DEUP1: variants seen among roughly 807,000 people sequenced by gnomAD.
DEUP1 encodes the protein coiled-coil domain containing 67.
In DEUP1, 82 loss-of-function variants were observed where a neutral mutation model predicts 87.4. The ratio of observed to expected loss-of-function variants is 0.94; its 90% CI spans 0.78 to 1.13. The LOEUF (loss-of-function observed/expected upper bound fraction) is 1.13, where lower values mean the gene tolerates loss of function less well. Ranked by LOEUF, DEUP1 falls within the 50% of genes most tolerant of loss-of-function variation. The probability of loss-of-function intolerance (pLI) is 0.00; values close to 1 mark genes in which losing one functional copy is unlikely to be tolerated. For synonymous variants in DEUP1, 214 were observed against 222.7 expected (o/e 0.96, Z 0.35); for missense variants, 663 against 681.5 (o/e 0.97, Z 0.30).
At chr11:93,418,941 C>T (rs1227103422) in intron 13 of DEUP1, among the ~76,000 whole-genome samples, 1 of 149,674 alleles carries the variant, frequency 6.7e-6, no homozygotes, top group African/African-American at 2.5e-5. Flanking sequence ...AACAAAAAAC[C>T]AAACACTGCA....
chr11:93,371,072 G>A lies in DEUP1; in HGVS notation c.581G>A (p.Gly194Asp), dbSNP rs1565313966. The A allele has an allele frequency of 6.2e-7, 1 of 1,611,770 alleles. No individual in the cohort carries two copies. The highest frequency in any genetic ancestry group is 2.2e-5 in the East Asian group (1 of 44,780). The change falls in exon 7 of 14, where the codon GGT becomes GAT. Residue 194 changes from glycine (G) to aspartate (D), a missense_variant. Transcript: ENST00000298050. ...CAAAGTTACCAAACTCAACTAAATG[G>A]TAAAAAACAGTGCTTAGAAGACAGC... The part of the protein sequence containing the change: ...QAQSYQTQLN[G>D]KKQCLEDSSS...
rs762430727 is a variant in DEUP1, at chr11:93,371,200, A to G, written c.709A>G (p.Ile237Val). The change falls in exon 7 of 14, where the codon ATA (isoleucine) becomes GTA (valine). Residue 237 changes from isoleucine to valine, a missense_variant. Ile to Val is a conservative substitution (Grantham distance 29, BLOSUM62 3). Coordinates refer to ENST00000298050, the MANE Select transcript of DEUP1 (RefSeq NM_181645.4). ...IEKLKSAVNEIALSRNKLQDE... is the reference protein window; with the variant it reads ...IEKLKSAVNEVALSRNKLQDE... ...AAAACTGAAATCAGCTGTAAATGAG[A>G]TAGCACTAAGCAGGAATAAATTACA... 19 of 1,613,248 alleles carry G rather than the reference A, an allele frequency of 1.2e-5. No homozygotes were observed. Among genetic ancestry groups the G allele is most frequent in the South Asian group, 1.1e-4 (10 of 90,928 alleles).
rs1287589525 is a variant in DEUP1 at position 93,427,020 on chromosome 11, A to G, written c.1639-10523A>G. 1.0e-4 allele frequency among the ~76,000 whole-genome samples: 4 copies of G among 39,458 alleles called. 2 individuals are homozygous for G. The highest frequency in any genetic ancestry group is 6.5e-4 in the Admixed American group (2 of 3,078). 25.9% of individuals were successfully genotyped at this position (39,458 alleles called of 152,430 possible). On this transcript the variant is annotated intron_variant, in intron 13 of 13. Transcript: ENST00000298050. ...AAAAAAAAAAAAAAAAAGAAAAAAAAAAAAAAAAAAAGAAAATGGCCATAC... is the reference window on the plus strand; with the variant it reads ...AAAAAAAAAAAAAAAAAGAAAAAAAGAAAAAAAAAAAGAAAATGGCCATAC...
intron 4 of DEUP1, among the ~76,000 whole-genome samples, chr11:93,359,136 A>G (rs753223166): frequency 6.6e-6 from 1 of 152,230 alleles, no homozygotes; most frequent in Non-Finnish European, 1.5e-5. Flanking sequence ...AGCTAGTAAT[A>G]TGCTGTTTTT....
chr11:93,389,648 C>G (rs1946707665), intron 9 of DEUP1, among the ~76,000 whole-genome samples: 1 of 152,100 alleles, frequency 6.6e-6, no homozygotes, highest in Admixed American at 6.6e-5. Flanking sequence ...TAATATTACC[C>G]TCCTTTTACA....
intron 8 of DEUP1, among the ~76,000 whole-genome samples, chr11:93,387,050 G>A (rs79133624): frequency 0.071 from 10,742 of 151,974 alleles, 1,250 homozygotes; most frequent in African/African-American, 0.24. Flanking sequence ...TTTTTGTTCT[G>A]CCTGTTTACC....
Position 93,355,462 on chromosome 11 carries a change from C to T in DEUP1, c.121C>T (p.Arg41Trp), listed in dbSNP as rs200488619. ...GAAAATGGATTGGGAAAGAAAGATG[C>T]GGGCTTTGGAGACACGATTAGATCT... Reference protein sequence around the residue: ...NKKMDWERKMRALETRLDLRD... With the variant: ...NKKMDWERKMWALETRLDLRD... The change falls in exon 3 of 14, where the codon CGG becomes TGG. Residue 41 changes from arginine to tryptophan, a missense_variant. Arg to Trp is a moderately radical substitution (Grantham distance 101). Transcript: ENST00000298050. 1.5e-4 allele frequency: 247 copies of T among 1,613,494 alleles called. No individual in the cohort carries two copies. Among genetic ancestry groups the T allele is most frequent in the Non-Finnish European group, 1.9e-4 (227 of 1,179,718 alleles).
chr11:93,361,410 C>T (rs548956782), intron 4 of DEUP1, among the ~76,000 whole-genome samples: 1 of 152,092 alleles, frequency 6.6e-6, no homozygotes, highest in South Asian at 2.1e-4. Context: ...CTTGTATTTT[C>T]TAAATTTTTT....
chr11:93,372,130 G>A (rs980043799), intron 7 of DEUP1, among the ~76,000 whole-genome samples: 1 of 151,578 alleles, frequency 6.6e-6, no homozygotes, highest in Non-Finnish European at 1.5e-5. Context: ...GGGTTTCACC[G>A]TTTTAGCCGG....
chr11:93,432,012 C>T (rs776913905), intron 13 of DEUP1, among the ~76,000 whole-genome samples: 1 of 152,058 alleles, frequency 6.6e-6, no homozygotes, highest in Non-Finnish European at 1.5e-5. Flanking sequence ...ATCTGATATT[C>T]GAGGGAGAGA....
intron 11 of DEUP1, among the ~76,000 whole-genome samples, chr11:93,400,788 A>G (rs932763668): frequency 1.3e-5 from 2 of 152,290 alleles, no homozygotes; most frequent in Admixed American, 6.5e-5. Flanking sequence ...ACAGAATACC[A>G]AAAACAAATA....
chr11:93,338,404 CTT>C lies in DEUP1; in HGVS notation c.29+6132_29+6133del, dbSNP rs532505177. Among the ~76,000 whole-genome samples, 899 of 139,530 alleles carry C rather than the reference CTT, an allele frequency of 6.4e-3. 9 individuals carry two copies. The highest frequency in any genetic ancestry group is 0.022 in the African/African-American group (822 of 37,810). The allele number at this position is 139,530 out of a possible 152,430, so 91.5% of individuals were successfully genotyped here. A position where few individuals can be genotyped will look rare whatever the true frequency, so the allele number is the denominator to read the frequency against. On this transcript the variant is annotated intron_variant, in intron 2 of 13. Transcript: ENST00000298050. ...TGACATAGGGTAATTATGCAGTCAACTTTTTTTTTTTTTTTTTCCTGAGGCAG... is the reference window on the plus strand; with the variant it reads ...TGACATAGGGTAATTATGCAGTCAACTTTTTTTTTTTTTTTCCTGAGGCAG...
At chr11:93,371,433 G>C (rs533933759) in intron 7 of DEUP1, among the ~76,000 whole-genome samples, 153 bp downstream of exon 7, 1 of 151,936 alleles carries the variant, frequency 6.6e-6, no homozygotes, top group African/African-American at 2.4e-5. Context: ...CACTTGATGC[G>C]TAGATTCAAT....
chr11:93,416,712 C>T (rs928933090), intron 13 of DEUP1, among the ~76,000 whole-genome samples: 5 of 151,732 alleles, frequency 3.3e-5, no homozygotes, highest in African/African-American at 9.7e-5. Context: ...CAAAGCCTGG[C>T]AGAGACACAA....
intron 8 of DEUP1, among the ~76,000 whole-genome samples, chr11:93,386,229 T>C (rs1353317794): frequency 6.6e-6 from 1 of 152,188 alleles, no homozygotes; most frequent in Non-Finnish European, 1.5e-5. Context: ...CCATCTTGTC[T>C]GTTCCATTGA....
intron 12 of DEUP1, among the ~76,000 whole-genome samples, chr11:93,414,135 A>G (rs1479111690): frequency 2.0e-5 from 3 of 152,210 alleles, no homozygotes; most frequent in African/African-American, 7.2e-5. Flanking sequence ...AGATCACACA[A>G]CTAGTAACTG....
At chr11:93,393,903 A>G (rs1379615025) in intron 9 of DEUP1, among the ~76,000 whole-genome samples, 1 of 152,208 alleles carries the variant, frequency 6.6e-6, no homozygotes, top group Non-Finnish European at 1.5e-5. Context: ...AAGCTTAGCC[A>G]AGATTCAGAA....
intron 7 of DEUP1, among the ~76,000 whole-genome samples, chr11:93,371,810 AT>A (rs979571625): frequency 6.6e-6 from 1 of 151,656 alleles, no homozygotes; most frequent in Non-Finnish European, 1.5e-5. Context: ...ACAAGCATTA[AT>A]TTTTTTTCTT....
chr11:93,335,513 G>A (rs116985986), intron 2 of DEUP1, among the ~76,000 whole-genome samples: 5,952 of 152,132 alleles, frequency 0.039, 156 homozygotes, highest in Middle Eastern at 0.065. Flanking sequence ...CACTATAATT[G>A]TAGTTTGTCT....
Sources: allele counts gnomAD v4.1 joint callset (sites outside exome capture counted in the v4.1 genomes callset), GRCh38; gene constraint gnomAD v4.1.1; transcripts MANE v1.5; gene names NCBI Gene and HGNC (gene_info 2026-07-23, HGNC 2026-07-21).